Variants in SMC4 observed in about 807,000 individuals in gnomAD.
SMC4 encodes structural maintenance of chromosomes protein 4.
SMC4 carries 87 observed loss-of-function variants against 145.6 expected under a neutral mutation model. The observed-to-expected ratio is 0.60, with a 90% CI of 0.50 to 0.71. The LOEUF (loss-of-function observed/expected upper bound fraction) is 0.71, where lower values mean the gene tolerates loss of function less well. Ranked by LOEUF, SMC4 falls within the 30% of genes least tolerant of loss-of-function variation. The pLI is 0.00. For missense variants in SMC4, 1,447 were observed against 1,537.1 expected, an observed-to-expected ratio of 0.94 and a Z score of 0.98; for synonymous variants, 558 against 500.7, an observed-to-expected ratio of 1.11 and a Z score of -1.53.
chr3:160,422,391 T>G (rs1717278718), intron 13 of SMC4, among the ~76,000 whole-genome samples: 1 of 152,256 alleles, frequency 6.6e-6, no homozygotes, highest in Admixed American at 6.5e-5. Context: ...ATAGTCATCT[T>G]AGTGAATATG....
rs79276814 is a variant in SMC4, at chr3:160,432,900, A to G, written c.3531-126A>G. ...TATAAAATAACAGAAAAGAGAATTC[A>G]TATTTGTGAAAAGCAAGTTACAGAT... is the stretch of plus-strand genomic sequence containing the variant. On this transcript the variant is annotated intron_variant, in intron 22 of 23. Coordinates refer to ENST00000357388, the MANE Select transcript of SMC4 (RefSeq NM_001002800.3). 5.6e-3 allele frequency: 3,697 copies of G among 660,030 alleles called. 74 individuals are homozygous for G. Among genetic ancestry groups the G allele is most frequent in the African/African-American group, 0.045 (2,493 of 55,098 alleles). 40.9% of individuals were successfully genotyped at this position (660,030 alleles called of 1,614,324 possible). A position where few individuals can be genotyped will look rare whatever the true frequency, so the allele number is the denominator to read the frequency against.
chr3:160,400,529 C>T, intron 1 of SMC4: 1 of 339,392 alleles, frequency 2.9e-6, no homozygotes, highest in Non-Finnish European at 5.3e-6. Flanking sequence ...ATACTATGGG[C>T]GGACGGGTGG....
At chr3:160,407,796 C>A (rs1222551800) in intron 5 of SMC4, among the ~76,000 whole-genome samples, 1 of 152,072 alleles carries the variant, frequency 6.6e-6, no homozygotes, top group Non-Finnish European at 1.5e-5. Context: ...GTGTCTGATT[C>A]AATATCCACA....
intron 11 of SMC4, 78 bp downstream of exon 11, chr3:160,418,034 C>T (rs530630052): frequency 2.9e-5 from 33 of 1,130,204 alleles, no homozygotes; most frequent in Non-Finnish European, 3.6e-5. Context: ...TTAATCTCCG[C>T]GTCAGAGGTG....
At chr3:160,419,918 A>T (rs1467868063) in intron 12 of SMC4, among the ~76,000 whole-genome samples, 2 of 152,194 alleles carry the variant, frequency 1.3e-5, no homozygotes, top group Admixed American at 1.3e-4. Context: ...CATCCTGGGC[A>T]ATATAGCAAG....
chr3:160,401,829 A>G, intron 2 of SMC4, 86 bp from the exon 3 acceptor site: 2 of 954,020 alleles, frequency 2.1e-6, no homozygotes, highest in Non-Finnish European at 3.1e-6. Context: ...AAAGATGGGC[A>G]GTCATTAGTT....
rs763168779 is a variant in SMC4 at position 160,402,811 on chromosome 3, C to T, written c.454C>T (p.His152Tyr). ...AGTATTAATACATAATTCTGATGAA[C>T]ACAAGGACATTCAGAGTTGTACAGT... is the stretch of plus-strand genomic sequence containing the variant. ...LSVLIHNSDE[H>Y]KDIQSCTVEV... Residue 152 changes from histidine to tyrosine, a missense_variant, in exon 4 of 24, where the codon CAC becomes TAC. Transcript: ENST00000357388. 6 of 1,606,220 alleles carry T rather than the reference C, an allele frequency of 3.7e-6. No individual in the cohort carries two copies. The highest frequency in any genetic ancestry group is 3.4e-5 in the Admixed American group (2 of 58,486).
chr3:160,405,733 A>G (rs1715255900), intron 5 of SMC4, among the ~76,000 whole-genome samples: 2 of 152,034 alleles, frequency 1.3e-5, no homozygotes, highest in Admixed American at 1.3e-4. Flanking sequence ...TCTAAACAAG[A>G]TTGGAATTTA....
chr3:160,417,831 G>T lies in SMC4; in HGVS notation c.1546G>T (p.Ala516Ser), dbSNP rs769101394. 4 of 1,613,654 alleles carry T rather than the reference G, an allele frequency of 2.5e-6. No homozygotes were observed. In the South Asian group the frequency reaches 3.3e-5, roughly 13 times the overall value. Residue 516 changes from alanine to serine, a missense_variant, in exon 11 of 24, where the codon GCA becomes TCA. Transcript: ENST00000357388. The part of the protein sequence containing the change: ...LDIYLSRHNT[A>S]VSQLTKAKEA... ...TATCTATCTCAGTCGTCATAATACT[G>T]CAGTGTCTCAATTAACTAAGGCTAA...
At chr3:160,422,889 C>T (rs775097450) in intron 13 of SMC4, among the ~76,000 whole-genome samples, 3 of 152,160 alleles carry the variant, frequency 2.0e-5, no homozygotes, top group Non-Finnish European at 2.9e-5. Flanking sequence ...ATTCCAACAC[C>T]ATTTGTTGAA....
Position 160,411,932 on chromosome 3 carries a change from C to A in SMC4, c.700C>A (p.Gln234Lys). 1 of 1,611,950 alleles carries A rather than the reference C, an allele frequency of 6.2e-7. No individual in the cohort carries two copies. Among genetic ancestry groups the A allele is most frequent in the South Asian group, 1.1e-5 (1 of 90,856 alleles). The change falls in exon 6 of 24, where the codon CAA (glutamine) becomes AAA (lysine). Residue 234 changes from glutamine (Q) to lysine (K), a missense_variant. Transcript: ENST00000357388. ...CTTTTTTTTAAAGGGTGAAGTTGAA[C>A]AAATTGCTATGATGAAACCAAAAGG... ...RFLILQGEVE[Q>K]IAMMKPKGQT...
At chr3:160,404,721 A>C (rs1168342307) in intron 5 of SMC4, 1 of 682,026 alleles carries the variant, frequency 1.5e-6, no homozygotes, top group Non-Finnish European at 2.8e-6. Flanking sequence ...TGTTCGTTTT[A>C]TGTTTGGATG....
intron 3 of SMC4, 151 bp from the exon 4 acceptor site, chr3:160,402,525 A>G: frequency 2.9e-6 from 2 of 691,240 alleles, no homozygotes; most frequent in South Asian, 2.1e-5. Flanking sequence ...AAGAAAACTC[A>G]AGTCGTATGC....
At chr3:160,418,516 GAA>G (rs1716823246) in intron 11 of SMC4, among the ~76,000 whole-genome samples, 1 of 152,106 alleles carries the variant, frequency 6.6e-6, no homozygotes, top group African/African-American at 2.4e-5. Context: ...AAATCTGTTT[GAA>G]GTGTAATTAT....
Position 160,430,611 on chromosome 3 carries a change from G to A in SMC4, c.2808G>A (p.Lys936=). The part of the protein sequence containing the change: ...AIKTADRNLQ[K]AQDSVLRTEK... ...TTTGCTTCTTTAGAAACCTTCAAAA[G>A]GCACAAGACTCTGTCTTGCGTACAG... The change falls in exon 19 of 24, where the codon AAG becomes AAA. Residue 936 remains lysine, a synonymous_variant. Coordinates refer to ENST00000357388, the MANE Select transcript of SMC4 (RefSeq NM_001002800.3). 1 of 1,586,984 alleles carries A rather than the reference G, an allele frequency of 6.3e-7. No homozygotes were observed. Among genetic ancestry groups the A allele is most frequent in the Non-Finnish European group, 8.6e-7 (1 of 1,169,456 alleles).
intron 21 of SMC4, 143 bp downstream of exon 21, chr3:160,431,968 A>G (rs1337556442): frequency 9.6e-6 from 8 of 829,808 alleles, no homozygotes; most frequent in Non-Finnish European, 5.6e-6. Context: ...TTGGGAGGCC[A>G]AAGGCGGGTG....
At chr3:160,426,252 A>C (rs1717784044) in intron 17 of SMC4, 52 bp downstream of exon 17, 5 of 1,371,552 alleles carry the variant, frequency 3.6e-6, no homozygotes, top group South Asian at 1.3e-5. Flanking sequence ...CAGGTTTTTA[A>C]AGCTTGCAAT....
chr3:160,430,819 C>A, intron 19 of SMC4, 76 bp downstream of exon 19: 2 of 1,483,570 alleles, frequency 1.3e-6, no homozygotes, highest in Non-Finnish European at 1.8e-6. Flanking sequence ...TATGACAGTG[C>A]CTAGAATGTA....
In SMC4 at chr3:160,401,976, T is replaced by C; in HGVS notation, c.201T>C (p.Pro67=). The C allele has an allele frequency of 6.2e-7, 1 of 1,606,198 alleles. No homozygotes were observed. The highest frequency in any genetic ancestry group is 1.3e-5 in the African/African-American group (1 of 74,366). ...SLEEILNSIP[P]PPPPAMTNEA... is the part of the protein sequence containing the mutation. ...AAGAGATTTTGAACAGCATTCCTCC[T>C]CCCCCGCCTCCAGCAATGACCAATG... Residue 67 remains proline (P), a synonymous_variant, in exon 3 of 24, where the codon CCT becomes CCC. Transcript: ENST00000357388.
Sources: gnomAD v4.1 joint callset for allele counts (sites outside exome capture counted in the v4.1 genomes callset) on GRCh38, gnomAD v4.1.1 for gene constraint, MANE v1.5 for transcripts, NCBI Gene and HGNC (gene_info 2026-07-23, HGNC 2026-07-21) for gene names.